Variants in ATR observed in about 807,000 individuals in gnomAD.
The protein encoded by ATR is ATR checkpoint kinase.
Under a neutral mutation model 305.3 loss-of-function variants are expected in ATR, and 142 were observed. The observed-to-expected ratio is 0.47, with a 90% confidence interval of 0.41 to 0.53. ATR has a LOEUF of 0.53. Ranked by LOEUF, ATR falls within the 20% of genes least tolerant of loss-of-function variation. ATR has a pLI of 0.00. For synonymous variants in ATR, 1,050 were observed against 1,068.1 expected (o/e 0.98, Z 0.33); for missense variants, 2,135 against 3,133.1 (o/e 0.68, Z 7.60).
intron 7 of ATR, 61 bp from the exon 8 acceptor site, chr3:142,558,837 T>C (rs2034777839): frequency 1.4e-6 from 2 of 1,467,340 alleles, no homozygotes; most frequent in African/African-American, 1.4e-5. Flanking sequence ...CTCTTTTAAA[T>C]AAAAATAAAG....
intron 28 of ATR, among the ~76,000 whole-genome samples, chr3:142,507,528 A>G (rs1195854552): frequency 6.6e-6 from 1 of 152,190 alleles, no homozygotes. Context: ...AAAGTCTTCT[A>G]TTATTTGTGA....
chr3:142,499,003 C>G (rs1394565729), intron 31 of ATR: 1 of 558,070 alleles, frequency 1.8e-6, no homozygotes, highest in Non-Finnish European at 3.2e-6. Context: ...ACCTCAGTCT[C>G]CTGAGTAGGT....
chr3:142,566,348 G>T, intron 2 of ATR, 87 bp from the exon 3 acceptor site: 1 of 1,454,536 alleles, frequency 6.9e-7, no homozygotes, highest in Non-Finnish European at 9.5e-7. Flanking sequence ...GCCAGGCAAG[G>T]TGCCTCACTC....
intron 35 of ATR, among the ~76,000 whole-genome samples, chr3:142,486,045 T>G (rs2030901974): frequency 6.6e-6 from 1 of 151,376 alleles, no homozygotes; most frequent in Non-Finnish European, 1.5e-5. Flanking sequence ...TCTCCTCTCT[T>G]TCTGGCCACT....
At chr3:142,567,278 A>G (rs2035106706) in intron 2 of ATR, among the ~76,000 whole-genome samples, 1 of 152,220 alleles carries the variant, frequency 6.6e-6, no homozygotes, top group Admixed American at 6.5e-5. Flanking sequence ...CTGGGAGGAC[A>G]CTGTGAAGGA....
chr3:142,516,355 A>G (rs1015934505), intron 24 of ATR, among the ~76,000 whole-genome samples: 3 of 152,196 alleles, frequency 2.0e-5, no homozygotes, highest in Admixed American at 2.0e-4. Context: ...TCTTTACTGA[A>G]ATGATACTCA....
intron 20 of ATR, 95 bp from the exon 21 acceptor site, chr3:142,535,300 T>G: frequency 7.1e-7 from 1 of 1,413,316 alleles, no homozygotes. Context: ...ACCATTAAAC[T>G]ATACCAAACC....
intron 36 of ATR, among the ~76,000 whole-genome samples, chr3:142,474,797 C>T (rs948501631): frequency 6.6e-6 from 1 of 152,018 alleles, no homozygotes; most frequent in African/African-American, 2.4e-5. Flanking sequence ...GCATCTTTGT[C>T]TTAATCTTAG....
In ATR at chr3:142,531,722, G is replaced by A. The variant is rs564838465; in HGVS notation, c.3945+3358C>T. Among the ~76,000 whole-genome samples the A allele has an allele frequency of 4.9e-3, 749 of 152,326 alleles. 10 individuals carry two copies. The highest frequency in any genetic ancestry group is 0.017 in the African/African-American group (720 of 41,568). On this transcript the variant is annotated intron_variant, in intron 21 of 46. Coordinates refer to ENST00000350721, the MANE Select transcript of ATR (RefSeq NM_001184.4). Reference sequence around the variant, plus strand: ...ATAGTGCTGCAATAAACATATGTGTGCATGTGTCTTTATAGCAGCATGTTT... The same window carrying A: ...ATAGTGCTGCAATAAACATATGTGTACATGTGTCTTTATAGCAGCATGTTT...
intron 46 of ATR, chr3:142,452,687 A>T (rs568131320): frequency 9.6e-7 from 1 of 1,044,580 alleles, no homozygotes; most frequent in East Asian, 8.7e-5. Flanking sequence ...AACAACAACC[A>T]CCACCACCAC....
intron 34 of ATR, among the ~76,000 whole-genome samples, chr3:142,494,293 A>G (rs977781189): frequency 2.6e-5 from 4 of 152,214 alleles, no homozygotes; most frequent in Non-Finnish European, 5.9e-5. Context: ...CAATCCCTCC[A>G]TGGATATCAA....
rs1400877475 is a variant in ATR at position 142,515,379 on chromosome 3, G to GA, written c.4503+15dup. On this transcript the variant is annotated intron_variant, in intron 25 of 46. Coordinates refer to ENST00000350721, the MANE Select transcript of ATR (RefSeq NM_001184.4). ...AGAATTTCCATTCAGTTAACAAACT[G>GA]AACAGGGTTTCTTACCTTTGTAATA... 6.2e-7 allele frequency: 1 copy of GA among 1,613,590 alleles called. No homozygotes were observed. Among genetic ancestry groups the GA allele is most frequent in the South Asian group, 1.1e-5 (1 of 91,010 alleles).
At chr3:142,454,033 C>G (rs1180458466) in intron 45 of ATR, among the ~76,000 whole-genome samples, 3 of 152,140 alleles carry the variant, frequency 2.0e-5, no homozygotes, top group Non-Finnish European at 1.5e-5. Flanking sequence ...TTCTTAAAAT[C>G]CTCAATGACT....
At chr3:142,556,913 G>C (rs1207085383) in intron 8 of ATR, among the ~76,000 whole-genome samples, 1 of 152,152 alleles carries the variant, frequency 6.6e-6, no homozygotes, top group Non-Finnish European at 1.5e-5. Context: ...AGTCAGCTAA[G>C]TGTCAGTGAG....
chr3:142,522,527 T>TA (rs1244984803), intron 23 of ATR, among the ~76,000 whole-genome samples: 4 of 152,142 alleles, frequency 2.6e-5, no homozygotes, highest in African/African-American at 9.7e-5. Flanking sequence ...TGTATATACA[T>TA]ACAAAAATTT....
intron 34 of ATR, among the ~76,000 whole-genome samples, chr3:142,496,053 A>G (rs1447943345): frequency 6.6e-6 from 1 of 151,530 alleles, no homozygotes; most frequent in Non-Finnish European, 1.5e-5. Context: ...GTGAAAAATT[A>G]AGAGGTCGTT....
At chr3:142,549,994 TA>T in intron 14 of ATR, 137 bp downstream of exon 14, 1 of 1,167,464 alleles carries the variant, frequency 8.6e-7, no homozygotes, top group South Asian at 1.4e-5. Flanking sequence ...CAGCTAACCA[TA>T]AAGAACAATG....
intron 26 of ATR, among the ~76,000 whole-genome samples, 177 bp from the exon 27 acceptor site, chr3:142,512,647 G>A (rs1447446088): frequency 6.6e-6 from 1 of 152,100 alleles, no homozygotes; most frequent in African/African-American, 2.4e-5. Context: ...AATTGCCTGA[G>A]GTCAAGACCA....
chr3:142,578,698 C>G lies in ATR; in HGVS notation c.7G>C (p.Glu3Gln). 1 of 1,613,206 alleles carries G rather than the reference C, an allele frequency of 6.2e-7. No individual in the cohort carries two copies. Among genetic ancestry groups the G allele is most frequent in the Non-Finnish European group, 8.5e-7 (1 of 1,179,740 alleles). The change falls in exon 1 of 47, where the codon GAA becomes CAA. Residue 3 changes from glutamate to glutamine, a missense_variant. Coordinates refer to ENST00000350721, the MANE Select transcript of ATR (RefSeq NM_001184.4). ...ATGGAAGCCAGCTCCAGGCCATGTT[C>G]CCCCATGCTGAGGCTGCGAGGCACT... is the stretch of plus-strand genomic sequence containing the variant. MG[E>Q]HGLELASMIP...
Sources: gnomAD v4.1 joint callset for allele counts (sites outside exome capture counted in the v4.1 genomes callset) on GRCh38, gnomAD v4.1.1 for gene constraint, MANE v1.5 for transcripts, NCBI Gene and HGNC (gene_info 2026-07-23, HGNC 2026-07-21) for gene names.